Variants in NBEA observed in about 807,000 individuals in gnomAD.
NBEA encodes the protein lysosomal-trafficking regulator 2.
A neutral mutation model predicts 343.4 loss-of-function variants in NBEA; 44 were observed. The ratio of observed to expected loss-of-function variants is 0.13; its 90% CI spans 0.10 to 0.16. The LOEUF (loss-of-function observed/expected upper bound fraction) is 0.16, where lower values mean the gene tolerates loss of function less well. Among genes scored for constraint, NBEA ranks in the 10% least tolerant of loss-of-function variants. The probability of loss-of-function intolerance (pLI) is 1.00; values close to 1 mark genes in which losing one functional copy is unlikely to be tolerated. For missense variants in NBEA, 2,555 were observed against 3,631.3 expected (o/e 0.70, Z 7.62); for synonymous variants, 1,175 against 1,238.7 (o/e 0.95, Z 1.08).
chr13:35,529,881 A>C (rs1370660865), intron 41 of NBEA, among the ~76,000 whole-genome samples: 1 of 152,236 alleles, frequency 6.6e-6, no homozygotes, highest in Non-Finnish European at 1.5e-5. Flanking sequence ...ATTTGTCCTC[A>C]GAATATGGGA....
chr13:35,069,141 A>G (rs2063767979), intron 8 of NBEA, among the ~76,000 whole-genome samples: 1 of 152,188 alleles, frequency 6.6e-6, no homozygotes, highest in Non-Finnish European at 1.5e-5. Flanking sequence ...ACTTAGAATT[A>G]CGTGCTGGCC....
intron 58 of NBEA, 22 bp downstream of exon 58, chr13:35,668,541 T>C: frequency 6.4e-7 from 1 of 1,559,932 alleles, no homozygotes; most frequent in Non-Finnish European, 8.7e-7. Context: ...CAAGGACAAG[T>C]ATCATCACTG....
intron 45 of NBEA, among the ~76,000 whole-genome samples, chr13:35,573,559 C>T (rs2080553048): frequency 6.6e-6 from 1 of 152,196 alleles, no homozygotes; most frequent in South Asian, 2.1e-4. Context: ...TAGATTTATA[C>T]AGAACTTCCA....
chr13:35,274,472 C>G (rs190944220), intron 34 of NBEA, among the ~76,000 whole-genome samples: 1 of 152,318 alleles, frequency 6.6e-6, no homozygotes, highest in African/African-American at 2.4e-5. Context: ...GATGCCCTCT[C>G]TCACCACTCC....
At chr13:35,585,230 C>T (rs937074326) in intron 46 of NBEA, among the ~76,000 whole-genome samples, 3 of 150,094 alleles carry the variant, frequency 2.0e-5, no homozygotes, top group Non-Finnish European at 4.4e-5. Context: ...CCTCTGCTGT[C>T]CTGCAGTGCA....
At chr13:35,108,658 G>T (rs1035026729) in intron 11 of NBEA, among the ~76,000 whole-genome samples, 4 of 152,106 alleles carry the variant, frequency 2.6e-5, no homozygotes, top group Admixed American at 6.6e-5. Context: ...GCCACATAGG[G>T]CTTCTGGCTA....
intron 39 of NBEA, among the ~76,000 whole-genome samples, chr13:35,451,821 C>T (rs1334958348): frequency 6.6e-6 from 1 of 152,270 alleles, no homozygotes; most frequent in Middle Eastern, 3.4e-3. Context: ...CGTTTCTCTA[C>T]CACTAGCAAC....
At chr13:35,550,711 C>A in intron 42 of NBEA, 117 bp downstream of exon 42, 1 of 697,926 alleles carries the variant, frequency 1.4e-6, no homozygotes, top group Non-Finnish European at 2.4e-6. Context: ...CTAGCTTAAA[C>A]AAACAGAAAT....
rs111956442 is a variant in NBEA at position 35,330,101 on chromosome 13, T to C, written c.5904-19007T>C. ...TTAGCAGCCACACCAAACTGATAGC[T>C]TTTCCCGAACAACATAGTCACCTGT... On this transcript the variant is annotated intron_variant, in intron 36 of 58. Coordinates refer to ENST00000379939, the MANE Select transcript of NBEA (RefSeq NM_001385012.1). Among the ~76,000 whole-genome samples the C allele has an allele frequency of 1.6e-3, 239 of 152,172 alleles. 1 individual carries two copies. The highest frequency in any genetic ancestry group is 5.3e-3 in the African/African-American group (221 of 41,552).
intron 38 of NBEA, among the ~76,000 whole-genome samples, chr13:35,406,330 T>G (rs1252942094): frequency 6.6e-6 from 1 of 151,832 alleles, no homozygotes; most frequent in African/African-American, 2.4e-5. Context: ...TCAATAGGTT[T>G]TGGGGGGAAA....
At position 35,251,511 on chromosome 13, in the gene NBEA, G is replaced by A. The variant is rs986427009; in HGVS notation, c.5776+18892G>A. On this transcript the variant is annotated intron_variant, in intron 34 of 58. Coordinates refer to ENST00000379939, the MANE Select transcript of NBEA (RefSeq NM_001385012.1). ...GTGATGACCTTGTGGAGTGAGCAGC[G>A]GCCACCTCTGGGCTCATCCTGGACG... The A allele has an allele frequency of 3.5e-5, 39 of 1,104,312 alleles. No individual in the cohort carries two copies. In the Admixed American group the frequency reaches 6.7e-4, roughly 19 times the overall value. 68.4% of individuals were successfully genotyped at this position (1,104,312 alleles called of 1,614,324 possible). A position where few individuals can be genotyped will look rare whatever the true frequency, so the allele number is the denominator to read the frequency against.
chr13:35,360,094 T>A (rs908553637), intron 38 of NBEA, among the ~76,000 whole-genome samples: 2 of 152,050 alleles, frequency 1.3e-5, no homozygotes, highest in East Asian at 3.9e-4. Flanking sequence ...AGCTAAGTAA[T>A]AGAGACAGGA....
chr13:35,048,630 G>T lies in NBEA; in HGVS notation c.791G>T (p.Arg264Leu), dbSNP rs1248535761. 6.6e-7 allele frequency: 1 copy of T among 1,509,754 alleles called. No homozygotes were observed. The allele number at this position is 1,509,754 out of a possible 1,614,324, so 93.5% of individuals were successfully genotyped here. Reference sequence around the variant, plus strand: ...GGCTTCACCTTAAACACTTGGTTTCGTATGGATCCATTAAATAATATTAAT... The same window carrying T: ...GGCTTCACCTTAAACACTTGGTTTCTTATGGATCCATTAAATAATATTAAT... ...QNGFTLNTWF[R>L]MDPLNNINVD... The change falls in exon 5 of 59, where the codon CGT (arginine) becomes CTT (leucine). Residue 264 changes from arginine (R) to leucine (L), a missense_variant. Arg to Leu is a moderately radical substitution (Grantham distance 102). Transcript: ENST00000379939.
intron 38 of NBEA, among the ~76,000 whole-genome samples, chr13:35,392,903 T>C (rs976329735): frequency 2.0e-5 from 3 of 152,184 alleles, no homozygotes; most frequent in African/African-American, 7.2e-5. Flanking sequence ...AAGGTCCAAA[T>C]AGGACACATT....
At chr13:35,053,314 G>A (rs2063131171) in intron 6 of NBEA, among the ~76,000 whole-genome samples, 1 of 152,036 alleles carries the variant, frequency 6.6e-6, no homozygotes, top group South Asian at 2.1e-4. Context: ...ACACACTGAG[G>A]AAAGTTTTGT....
intron 41 of NBEA, among the ~76,000 whole-genome samples, chr13:35,514,591 AT>A (rs1317832380): frequency 2.0e-5 from 3 of 152,274 alleles, no homozygotes; most frequent in Non-Finnish European, 2.9e-5. Context: ...TGAGAAAAAA[AT>A]ATTTTCATCA....
At chr13:35,124,276 A>G (rs1428243173) in intron 17 of NBEA, among the ~76,000 whole-genome samples, 1 of 142,914 alleles carries the variant, frequency 7.0e-6, no homozygotes, top group East Asian at 2.0e-4. Context: ...TTTGGTGCTT[A>G]CTTAAATTTG....
Position 35,550,940 on chromosome 13 carries a change from G to A in NBEA, c.6714G>A (p.Met2238Ile). ...EVFMANRTSV[M>I]FNFPDQATVK... is the part of the protein sequence containing the mutation. ...TTCTTCTTACCACAGCCTCAGTTAT[G>A]TTTAATTTCCCTGATCAAGCAACAG... The change falls in exon 43 of 59, where the codon ATG becomes ATA. Residue 2238 changes from methionine (M) to isoleucine (I), a missense_variant. Around this residue, in one of 21 missense-constraint regions of NBEA, gnomAD observed 246 missense variants for 313.7 expected, o/e 0.78. Transcript: ENST00000379939. 1 of 1,603,262 alleles carries A rather than the reference G, an allele frequency of 6.2e-7. No homozygotes were observed. Among genetic ancestry groups the A allele is most frequent in the Non-Finnish European group, 8.5e-7 (1 of 1,171,706 alleles).
At chr13:35,436,034 A>C (rs1415878803) in intron 39 of NBEA, among the ~76,000 whole-genome samples, 2 of 152,250 alleles carry the variant, frequency 1.3e-5, no homozygotes, top group Non-Finnish European at 2.9e-5. Context: ...TCTGAAAAGC[A>C]ATATAATATT....
Sources: gnomAD v4.1 joint callset for allele counts (sites outside exome capture counted in the v4.1 genomes callset) on GRCh38, gnomAD v4.1.1 for gene constraint, gnomAD v4.1.1 regional missense constraint, MANE v1.5 for transcripts, NCBI Gene and HGNC (gene_info 2026-07-23, HGNC 2026-07-21) for gene names.